The following TNFRSF11B variants were observed in gnomAD, a reference collection of about 807,000 sequenced individuals.
TNFRSF11B encodes the protein TNF receptor superfamily member 11b.
Under a neutral mutation model 43.4 loss-of-function variants are expected in TNFRSF11B, and 16 were observed. That is an observed-to-expected ratio of 0.37 (90% confidence interval 0.25 to 0.56). The LOEUF is 0.56. TNFRSF11B is among the 20% of genes least tolerant of loss of function. The probability of loss-of-function intolerance (pLI) is 0.80; values close to 1 mark genes in which losing one functional copy is unlikely to be tolerated. For synonymous variants in TNFRSF11B, 185 were observed against 181.8 expected (o/e 1.02, Z -0.14); for missense variants, 444 against 490.1 (o/e 0.91, Z 0.89).
chr8:118,927,770 T>C (rs949239146), intron 3 of TNFRSF11B, among the ~76,000 whole-genome samples: 1 of 152,104 alleles, frequency 6.6e-6, no homozygotes, highest in Non-Finnish European at 1.5e-5. Context: ...AAGCAAATCA[T>C]CTTTAGTGTA....
intron 1 of TNFRSF11B, among the ~76,000 whole-genome samples, chr8:118,935,428 G>A (rs1812390538): frequency 6.6e-6 from 1 of 152,192 alleles, no homozygotes; most frequent in Admixed American, 6.6e-5. Flanking sequence ...ATACTTGAGT[G>A]AGCACGCAGA....
At chr8:118,934,839 G>A (rs1812379478) in intron 1 of TNFRSF11B, among the ~76,000 whole-genome samples, 1 of 152,154 alleles carries the variant, frequency 6.6e-6, no homozygotes, top group Admixed American at 6.5e-5. Context: ...TGCCAAGCTA[G>A]GGAAACAGCA....
intron 1 of TNFRSF11B, among the ~76,000 whole-genome samples, chr8:118,935,641 G>A (rs1452218058): frequency 2.0e-5 from 3 of 152,080 alleles, no homozygotes; most frequent in South Asian, 4.2e-4. Context: ...GGCTCCTATA[G>A]TGTAATCAAT....
At chr8:118,928,667 C>T in intron 3 of TNFRSF11B, 71 bp downstream of exon 3, 5 of 1,508,926 alleles carry the variant, frequency 3.3e-6, no homozygotes, top group Non-Finnish European at 3.7e-6. Context: ...TGGCTGGAGG[C>T]CTTGTGTTCA....
intron 1 of TNFRSF11B, 33 bp downstream of exon 1, chr8:118,951,759 G>C: frequency 6.4e-7 from 1 of 1,573,676 alleles, no homozygotes; most frequent in Non-Finnish European, 8.6e-7. Flanking sequence ...CTCCCCAGGC[G>C]CCGGGCACCC....
At chr8:118,929,010 G>A in intron 2 of TNFRSF11B, 81 bp from the exon 3 acceptor site, 4 of 1,339,752 alleles carry the variant, frequency 3.0e-6, no homozygotes, top group Non-Finnish European at 4.3e-6. Context: ...GTTTTGGAAA[G>A]ACTTTTCACT....
intron 2 of TNFRSF11B, 123 bp downstream of exon 2, chr8:118,932,807 AG>A: frequency 8.1e-7 from 1 of 1,235,348 alleles, no homozygotes; most frequent in Non-Finnish European, 1.1e-6. Context: ...CCTACCTGGC[AG>A]GTTTCATTAC....
intron 1 of TNFRSF11B, among the ~76,000 whole-genome samples, chr8:118,940,569 A>G (rs929392982): frequency 1.3e-5 from 2 of 152,198 alleles, no homozygotes; most frequent in Non-Finnish European, 1.5e-5. Context: ...AGGGACACAA[A>G]CATGGTAAGA....
At chr8:118,924,824 A>G (rs1419719407) in intron 4 of TNFRSF11B, 62 bp from the exon 5 acceptor site, 2 of 1,606,556 alleles carry the variant, frequency 1.2e-6, no homozygotes, top group Middle Eastern at 1.7e-4. Context: ...ATGCCATCAT[A>G]AAACAAGCGT....
At chr8:118,935,344 T>C (rs1054569559) in intron 1 of TNFRSF11B, among the ~76,000 whole-genome samples, 36 of 152,334 alleles carry the variant, frequency 2.4e-4, no homozygotes, top group African/African-American at 7.9e-4. Context: ...GAGCATCCAC[T>C]ATGTACCAGG....
intron 2 of TNFRSF11B, chr8:118,930,591 T>C (rs6469787): frequency 0.21 from 56,252 of 271,732 alleles, 6,981 homozygotes; most frequent in East Asian, 0.47. Context: ...TTTGTATTTT[T>C]AGTAGAGGCA....
At chr8:118,927,899 T>TA (rs1185886488) in intron 3 of TNFRSF11B, among the ~76,000 whole-genome samples, 3 of 152,162 alleles carry the variant, frequency 2.0e-5, no homozygotes, top group Non-Finnish European at 4.4e-5. Context: ...AACCTGAACT[T>TA]AATACTAGTG....
At chr8:118,951,131 C>G (rs1812637904) in intron 1 of TNFRSF11B, among the ~76,000 whole-genome samples, 1 of 152,138 alleles carries the variant, frequency 6.6e-6, no homozygotes, top group Non-Finnish European at 1.5e-5. Context: ...ATTTAGTGAA[C>G]TTCAATTCTT....
intron 1 of TNFRSF11B, among the ~76,000 whole-genome samples, chr8:118,944,153 C>A (rs1012647939): frequency 1.3e-5 from 2 of 152,082 alleles, no homozygotes; most frequent in Non-Finnish European, 2.9e-5. Context: ...TTATGTCATG[C>A]CAATAAACAA....
At chr8:118,946,382 CT>C (rs1390825666) in intron 1 of TNFRSF11B, among the ~76,000 whole-genome samples, 1 of 152,054 alleles carries the variant, frequency 6.6e-6, no homozygotes, top group Non-Finnish European at 1.5e-5. Flanking sequence ...TAAAAGGATT[CT>C]TTTTTTAGAC....
chr8:118,931,680 C>T (rs1017136209), intron 2 of TNFRSF11B, among the ~76,000 whole-genome samples: 11 of 152,294 alleles, frequency 7.2e-5, no homozygotes, highest in Non-Finnish European at 1.0e-4. Flanking sequence ...ATGCAATTTG[C>T]ATCTTCTGTG....
At chr8:118,951,464 G>T (rs1229804438) in intron 1 of TNFRSF11B, among the ~76,000 whole-genome samples, 2 of 152,134 alleles carry the variant, frequency 1.3e-5, no homozygotes, top group African/African-American at 2.4e-5. Context: ...CTACATGAGG[G>T]CGTTAATATT....
At position 118,926,587 on chromosome 8, in the gene TNFRSF11B, G is replaced by T. The variant is rs774691067; in HGVS notation, c.724C>A (p.Arg242=). The T allele has an allele frequency of 6.2e-7, 1 of 1,614,072 alleles. No individual in the cohort carries two copies. The change falls in exon 4 of 5, where the codon CGG becomes AGG. Residue 242 remains arginine (R), a synonymous_variant. Coordinates refer to ENST00000297350, the MANE Select transcript of TNFRSF11B (RefSeq NM_002546.4). ...VNAESVERIK[R]QHSSQEQTFQ... ...GTCTGTTCTTGTGAGCTGTGTTGCC[G>T]TTTTATCCTCTCTACACTCTCTGCG...
In TNFRSF11B at chr8:118,932,791, A is replaced by G. The variant is rs1023694993; in HGVS notation, c.400+140T>C. ...GGTCCTTTGGAAGCACTCCAGACACATAGTACCTACCTGGCAGGTTTCATT... is the reference window on the plus strand; with the variant it reads ...GGTCCTTTGGAAGCACTCCAGACACGTAGTACCTACCTGGCAGGTTTCATT... On this transcript the variant is annotated intron_variant, in intron 2 of 4. Transcript: ENST00000297350. 3 of 1,081,942 alleles carry G rather than the reference A, an allele frequency of 2.8e-6. No homozygotes were observed. The East Asian group carries it at 7.6e-5, about 27-fold the overall frequency. The allele number at this position is 1,081,942 out of a possible 1,614,324, so 67.0% of individuals were successfully genotyped here.
Sources: allele counts gnomAD v4.1 joint callset (sites outside exome capture counted in the v4.1 genomes callset), GRCh38; gene constraint gnomAD v4.1.1; transcripts MANE v1.5; gene names NCBI Gene and HGNC (gene_info 2026-07-23, HGNC 2026-07-21).